The following ADK variants were observed in gnomAD, a reference collection of about 807,000 sequenced individuals.
ADK encodes the protein N6,N6-dimethyladenosine kinase.
Under a neutral mutation model 44.7 loss-of-function variants are expected in ADK, and 24 were observed. The observed-to-expected ratio is 0.54, with a 90% CI of 0.39 to 0.76. The LOEUF (loss-of-function observed/expected upper bound fraction) is 0.76, where lower values mean the gene tolerates loss of function less well. ADK is among the 30% of genes least tolerant of loss of function. The probability of loss-of-function intolerance (pLI) is 0.00; values close to 1 mark genes in which losing one functional copy is unlikely to be tolerated. For missense variants in ADK, 321 were observed against 425.1 expected (o/e 0.76, Z 2.15); for synonymous variants, 128 against 142.6 (o/e 0.90, Z 0.73).
At chr10:74,653,412 A>G (rs999707778) in intron 9 of ADK, among the ~76,000 whole-genome samples, 2 of 152,146 alleles carry the variant, frequency 1.3e-5, no homozygotes, top group African/African-American at 4.8e-5. Context: ...AGATCATGCC[A>G]TTGCTGTCCA....
At chr10:74,685,956 T>G (rs1283495055) in intron 10 of ADK, among the ~76,000 whole-genome samples, 4 of 152,022 alleles carry the variant, frequency 2.6e-5, no homozygotes, top group African/African-American at 9.7e-5. Context: ...TGGGGTTTTT[T>G]GTTTGTTTGT....
intron 6 of ADK, among the ~76,000 whole-genome samples, chr10:74,453,983 TCTTAAAGTTTTCTCGTAGCTAA>T (rs1006835112): frequency 3.3e-5 from 5 of 152,168 alleles, no homozygotes; most frequent in African/African-American, 1.2e-4. Flanking sequence ...TTCATTAACA[TCTTAAAGTTTTCTCGTAGCTAA>T]CAGATGTCCA....
intron 7 of ADK, among the ~76,000 whole-genome samples, chr10:74,537,089 C>T (rs549610629): frequency 6.6e-6 from 1 of 152,262 alleles, no homozygotes; most frequent in East Asian, 1.9e-4. Flanking sequence ...GTTCCAATTT[C>T]TCCACCTCCT....
At chr10:74,587,709 A>G (rs1040339106) in intron 7 of ADK, among the ~76,000 whole-genome samples, 5 of 150,708 alleles carry the variant, frequency 3.3e-5, no homozygotes, top group Non-Finnish European at 7.4e-5. Context: ...GTGAGTTAAG[A>G]TGTAGAGACT....
At chr10:74,377,898 G>A (rs183216314) in intron 4 of ADK, among the ~76,000 whole-genome samples, 1 of 152,198 alleles carries the variant, frequency 6.6e-6, no homozygotes, top group African/African-American at 2.4e-5. Flanking sequence ...AGTAGGTTGG[G>A]GCACTTAGGA....
intron 10 of ADK, among the ~76,000 whole-genome samples, chr10:74,687,281 C>A (rs1478144215): frequency 6.6e-6 from 1 of 152,128 alleles, no homozygotes; most frequent in Non-Finnish European, 1.5e-5. Context: ...CTAATTAATC[C>A]TACTCAGCTG....
chr10:74,500,797 A>G (rs1043803900), intron 6 of ADK, among the ~76,000 whole-genome samples: 6 of 152,160 alleles, frequency 3.9e-5, no homozygotes, highest in Non-Finnish European at 8.8e-5. Context: ...TTCTTGTGCT[A>G]CTGGTGCAAA....
intron 7 of ADK, among the ~76,000 whole-genome samples, chr10:74,569,889 G>T (rs1257583937): frequency 6.6e-6 from 1 of 152,102 alleles, no homozygotes; most frequent in Non-Finnish European, 1.5e-5. Flanking sequence ...TTTTCTTCTA[G>T]GGTTTTTATG....
chr10:74,154,491 A>C (rs1014208084), intron 1 of ADK, among the ~76,000 whole-genome samples: 1 of 152,026 alleles, frequency 6.6e-6, no homozygotes, highest in Non-Finnish European at 1.5e-5. Context: ...CTGGTCTTGA[A>C]CTTCTGACCT....
chr10:74,566,449 TCCTC>T (rs1237498346), intron 7 of ADK, among the ~76,000 whole-genome samples: 3 of 152,062 alleles, frequency 2.0e-5, no homozygotes, highest in African/African-American at 7.2e-5. Context: ...AGGCAGTCCT[TCCTC>T]AGTCTCCCAA....
chr10:74,466,900 A>G (rs1462767156), intron 6 of ADK, among the ~76,000 whole-genome samples: 1 of 152,164 alleles, frequency 6.6e-6, no homozygotes, highest in Non-Finnish European at 1.5e-5. Flanking sequence ...AAAAATCTCA[A>G]TCCACTTTAA....
At chr10:74,622,203 A>C (rs1329304906) in intron 9 of ADK, among the ~76,000 whole-genome samples, 1 of 152,108 alleles carries the variant, frequency 6.6e-6, no homozygotes. Context: ...TTTTTGTCTT[A>C]CCACCCACTA....
At chr10:74,492,694 T>C (rs1448149237) in intron 6 of ADK, among the ~76,000 whole-genome samples, 1 of 152,200 alleles carries the variant, frequency 6.6e-6, no homozygotes, top group African/African-American at 2.4e-5. Context: ...GCTTATTTTG[T>C]AGAATGTACC....
At chr10:74,557,694 C>T (rs1850312328) in intron 7 of ADK, among the ~76,000 whole-genome samples, 2 of 152,164 alleles carry the variant, frequency 1.3e-5, no homozygotes, top group Admixed American at 6.5e-5. Flanking sequence ...TAAGACCCAA[C>T]CTCCCTGCTG....
intron 3 of ADK, among the ~76,000 whole-genome samples, chr10:74,257,717 A>T (rs1490008038): frequency 6.6e-6 from 1 of 152,240 alleles, no homozygotes; most frequent in Admixed American, 6.5e-5. Context: ...TATTGATAGT[A>T]AATTAGATTT....
chr10:74,423,181 G>A (rs947318674), intron 6 of ADK, among the ~76,000 whole-genome samples: 4 of 152,130 alleles, frequency 2.6e-5, no homozygotes, highest in Admixed American at 1.3e-4. Context: ...GGGAGGAAAT[G>A]GGAAGAGCAG....
chr10:74,312,244 C>T (rs973301588), intron 3 of ADK, among the ~76,000 whole-genome samples: 28 of 151,900 alleles, frequency 1.8e-4, no homozygotes, highest in African/African-American at 5.3e-4. Flanking sequence ...AAACCAAGAA[C>T]GGCCAAAGCA....
intron 4 of ADK, among the ~76,000 whole-genome samples, chr10:74,366,276 G>A (rs906177570): frequency 3.3e-5 from 5 of 151,972 alleles, no homozygotes; most frequent in Non-Finnish European, 7.4e-5. Flanking sequence ...AAAATAGTAC[G>A]TCTTGAAAGT....
chr10:74,229,493 G>A (rs571578736), intron 3 of ADK, among the ~76,000 whole-genome samples: 4 of 151,212 alleles, frequency 2.6e-5, no homozygotes, highest in South Asian at 4.2e-4. Flanking sequence ...CGCCTCCTGG[G>A]TTCACGCCAT....
Sources: gnomAD v4.1 joint callset for allele counts (sites outside exome capture counted in the v4.1 genomes callset) on GRCh38, gnomAD v4.1.1 for gene constraint, MANE v1.5 for transcripts, NCBI Gene and HGNC (gene_info 2026-07-23, HGNC 2026-07-21) for gene names.